The following PEG3 variants were observed in gnomAD, a reference collection of about 807,000 sequenced individuals.
The protein encoded by PEG3 is paternally-expressed gene 3 protein.
A neutral mutation model predicts 35.5 loss-of-function variants in PEG3; 23 were observed. That is an observed-to-expected ratio of 0.65 (90% confidence interval 0.47 to 0.92). The LOEUF is 0.92. PEG3 is among the 40% of genes least tolerant of loss of function. The pLI, the probability that PEG3 is intolerant of heterozygous loss-of-function variation, is 0.00. For missense variants in PEG3, 1,960 were observed against 1,985.3 expected, an observed-to-expected ratio of 0.99 and a Z score of 0.24; for synonymous variants, 707 against 697.0, an observed-to-expected ratio of 1.01 and a Z score of -0.23.
At position 56,815,951 on chromosome 19, in the gene PEG3, T is replaced by C. The variant is rs1423959662; in HGVS notation, c.2491A>G (p.Ser831Gly). Residue 831 changes from serine to glycine, a missense_variant, in exon 10 of 10, where the codon AGT becomes GGT. By Grantham distance (56) the Ser-to-Gly change is moderately conservative. Coordinates refer to ENST00000326441, the MANE Select transcript of PEG3 (RefSeq NM_006210.3). Reference sequence around the variant, plus strand: ...ACTAAGCTATGGATAACAGACCTACTGTATTCCCTTCCTTCAGAGGTGTTC... The same window carrying C: ...ACTAAGCTATGGATAACAGACCTACCGTATTCCCTTCCTTCAGAGGTGTTC... ...GGNTSEGREY[S>G]RSVIHSLVAS... The C allele has an allele frequency of 3.3e-5, 53 of 1,595,762 alleles. No homozygotes were observed. The highest frequency in any genetic ancestry group is 8.7e-5 in the Admixed American group (5 of 57,762).
In PEG3 at chr19:56,812,312, C is replaced by G. The variant is rs1048694540; in HGVS notation, c.*1363G>C. ...ACTAAGATTAGATGAACACAACACTCAGAAATACTCTAGGAGAGCTGAAAA... is the reference window on the plus strand; with the variant it reads ...ACTAAGATTAGATGAACACAACACTGAGAAATACTCTAGGAGAGCTGAAAA... On this transcript the variant is annotated 3_prime_UTR_variant, in exon 10 of 10. Transcript: ENST00000326441. 1.0e-6 allele frequency: 1 copy of G among 982,078 alleles called. No homozygotes were observed. The highest frequency in any genetic ancestry group is 6.2e-5 in the Admixed American group (1 of 16,224). 60.8% of individuals were successfully genotyped at this position (982,078 alleles called of 1,614,324 possible). A position where few individuals can be genotyped will look rare whatever the true frequency, so the allele number is the denominator to read the frequency against.
rs781110689 is a variant in PEG3, at chr19:56,816,520, G to T, written c.1922C>A (p.Ser641Tyr). 1.2e-6 allele frequency: 2 copies of T among 1,613,458 alleles called. No homozygotes were observed. Among genetic ancestry groups the T allele is most frequent in the Admixed American group, 1.7e-5 (1 of 59,966 alleles). The change falls in exon 10 of 10, where the codon TCC (serine) becomes TAC (tyrosine). Residue 641 changes from serine (S) to tyrosine (Y), a missense_variant. Physicochemically the swap from Ser to Tyr is moderately radical, Grantham distance 144. Transcript: ENST00000326441. ...VCGETFLHSSSLKEHQKIHTR... is the reference protein window; with the variant it reads ...VCGETFLHSSYLKEHQKIHTR... ...ATGGATTTTCTGATGTTCTTTCAGG[G>T]ATGAGCTATGAAGGAAAGTCTCCCC...
intron 2 of PEG3, among the ~76,000 whole-genome samples, chr19:56,834,752 T>C (rs144477853): frequency 5.9e-5 from 9 of 152,288 alleles, no homozygotes; most frequent in Non-Finnish European, 7.4e-5. Flanking sequence ...CACCTGGTCA[T>C]GTCAGCTTCT....
chr19:56,815,616 A>G lies in PEG3; in HGVS notation c.2826T>C (p.Ile942=), dbSNP rs1190777703. 7 of 1,614,052 alleles carry G rather than the reference A, an allele frequency of 4.3e-6. No homozygotes were observed. Among genetic ancestry groups the G allele is most frequent in the Non-Finnish European group, 5.9e-6 (7 of 1,180,028 alleles). The change falls in exon 10 of 10, where the codon ATT becomes ATC. Residue 942 remains isoleucine (I), a synonymous_variant. Coordinates refer to ENST00000326441, the MANE Select transcript of PEG3 (RefSeq NM_006210.3). ...CAGAGGTCTCATTGCTCCTATGCTC[A>G]ATGTATTTCTTTTTAGCACGAGCCT... ...YQKARAKKKY[I]EHRSNETSVI...
At chr19:56,827,113 T>C (rs1026065516) in intron 2 of PEG3, among the ~76,000 whole-genome samples, 2 of 152,164 alleles carry the variant, frequency 1.3e-5, no homozygotes, top group Non-Finnish European at 2.9e-5. Flanking sequence ...CAAGTAAACT[T>C]TCTGTGAATA....
In PEG3 at chr19:56,814,315, G is replaced by C. The variant is rs1175004490; in HGVS notation, c.4127C>G (p.Ala1376Gly). The change falls in exon 10 of 10, where the codon GCC (alanine) becomes GGC (glycine). Residue 1376 changes from alanine (A) to glycine (G), a missense_variant. By Grantham distance (60) the Ala-to-Gly change is moderately conservative. Coordinates refer to ENST00000326441, the MANE Select transcript of PEG3 (RefSeq NM_006210.3). This position sits in a 1 kb window ranked among gnomAD's most constrained non-coding sequence, Gnocchi z 5.8. ...AACTACTTGTGGAACATGGACATTG[G>C]CTTCAACTTCCTGGGCTGCTGCTGC... ...AAAAAAQEVEANVHVPQVVLR... is the reference protein window; with the variant it reads ...AAAAAAQEVEGNVHVPQVVLR... 1 of 1,613,962 alleles carries C rather than the reference G, an allele frequency of 6.2e-7. No individual in the cohort carries two copies. The highest frequency in any genetic ancestry group is 1.3e-5 in the African/African-American group (1 of 74,934).
At chr19:56,837,449 A>G (rs2062281190) in intron 1 of PEG3, among the ~76,000 whole-genome samples, 1 of 152,160 alleles carries the variant, frequency 6.6e-6, no homozygotes, top group African/African-American at 2.4e-5. Context: ...CTCACTTAAA[A>G]TCCCACCTTT....
chr19:56,821,588 G>A, intron 7 of PEG3, 63 bp downstream of exon 7: 1 of 1,593,270 alleles, frequency 6.3e-7, no homozygotes, highest in Non-Finnish European at 8.6e-7. Context: ...TCTGGGGAAA[G>A]AAAGGCGTCT....
chr19:56,832,771 A>G (rs2061695717), intron 2 of PEG3, among the ~76,000 whole-genome samples: 1 of 152,114 alleles, frequency 6.6e-6, no homozygotes, highest in Non-Finnish European at 1.5e-5. Flanking sequence ...TTGATCTCCA[A>G]AGGATGTTTT....
At chr19:56,823,041 A>C (rs898381166) in intron 5 of PEG3, among the ~76,000 whole-genome samples, 1 of 152,194 alleles carries the variant, frequency 6.6e-6, no homozygotes. Context: ...GCTTTGCCCA[A>C]GTGGGGCTTG....
At chr19:56,822,465 A>G (rs1271684451) in intron 6 of PEG3, 2 of 349,134 alleles carry the variant, frequency 5.7e-6, no homozygotes, top group African/African-American at 4.2e-5. Context: ...CAATTTTTGC[A>G]GTGGCATAGT....
intron 7 of PEG3, among the ~76,000 whole-genome samples, chr19:56,819,037 G>A (rs777323116): frequency 1.6e-4 from 25 of 152,222 alleles, no homozygotes; most frequent in Non-Finnish European, 3.2e-4. Context: ...GGGTTTTGTA[G>A]AGGGACAGTT....
rs2059682696 is a variant in PEG3 at position 56,813,476 on chromosome 19, C to A, written c.*199G>T. ...TGGCTTTCCCACATGCAGACACTGACATCTGAAGGGGAAAGCTTAAGACTG... is the reference window on the plus strand; with the variant it reads ...TGGCTTTCCCACATGCAGACACTGAAATCTGAAGGGGAAAGCTTAAGACTG... On this transcript the variant is annotated 3_prime_UTR_variant, in exon 10 of 10. Transcript: ENST00000326441. 2 of 1,396,788 alleles carry A rather than the reference C, an allele frequency of 1.4e-6. No homozygotes were observed. Among genetic ancestry groups the A allele is most frequent in the Non-Finnish European group, 1.9e-6 (2 of 1,076,638 alleles). The allele number at this position is 1,396,788 out of a possible 1,614,324, so 86.5% of individuals were successfully genotyped here. A position where few individuals can be genotyped will look rare whatever the true frequency, so the allele number is the denominator to read the frequency against.
At position 56,817,441 on chromosome 19, in the gene PEG3, G is replaced by A; in HGVS notation, c.1001C>T (p.Ser334Leu). ...GGGGAATCTCTGTGACCGGTCGCTTGACTCCCTTGCTCTTCCCGATTTGGA... is the reference window on the plus strand; with the variant it reads ...GGGGAATCTCTGTGACCGGTCGCTTAACTCCCTTGCTCTTCCCGATTTGGA... ...RSSKSGRARE[S>L]SDRSQRFPRM... Residue 334 changes from serine (S) to leucine (L), a missense_variant, in exon 10 of 10, where the codon TCA (serine) becomes TTA (leucine). Coordinates refer to ENST00000326441, the MANE Select transcript of PEG3 (RefSeq NM_006210.3). 1 of 1,613,920 alleles carries A rather than the reference G, an allele frequency of 6.2e-7. No individual in the cohort carries two copies. The highest frequency in any genetic ancestry group is 8.5e-7 in the Non-Finnish European group (1 of 1,179,850).
rs766636344 is a variant in PEG3 at position 56,815,044 on chromosome 19, C to G, written c.3398G>C (p.Cys1133Ser). ...TDHQKVHSRK[C>S]LVDSREYTHS... ...TGTGTACTCCCGACTGTCAACCAGG[C>G]ACTTCCTGCTGTGGACTTTCTGATG... Residue 1133 changes from cysteine to serine, a missense_variant, in exon 10 of 10, where the codon TGC becomes TCC. Cys to Ser is a moderately radical substitution (Grantham distance 112). Around this residue, in one of 5 missense-constraint regions of PEG3, gnomAD observed 124 missense variants for 179.6 expected, o/e 0.69. Transcript: ENST00000326441. 6.2e-7 allele frequency: 1 copy of G among 1,614,174 alleles called. No homozygotes were observed. Among genetic ancestry groups the G allele is most frequent in the South Asian group, 1.1e-5 (1 of 91,074 alleles).
In PEG3 at chr19:56,824,689, A is replaced by G; in HGVS notation, c.-34T>C. ...GTAAAATTTTCACTGGAGGAACCAAACATGAGTCAACAGGAAAGACGCGGC... is the reference window on the plus strand; with the variant it reads ...GTAAAATTTTCACTGGAGGAACCAAGCATGAGTCAACAGGAAAGACGCGGC... On this transcript the variant is annotated 5_prime_UTR_variant, in exon 4 of 10. Transcript: ENST00000326441. 4 of 1,567,998 alleles carry G rather than the reference A, an allele frequency of 2.6e-6. No homozygotes were observed. Among genetic ancestry groups the G allele is most frequent in the Non-Finnish European group, 3.5e-6 (4 of 1,154,966 alleles).
Position 56,816,655 on chromosome 19 carries a change from TGTTCAC to T in PEG3, c.1781_1786del (p.Arg594_Glu595del). 1 of 1,612,368 alleles carries T rather than the reference TGTTCAC, an allele frequency of 6.2e-7. No homozygotes were observed. Among genetic ancestry groups the T allele is most frequent in the Non-Finnish European group, 8.5e-7 (1 of 1,178,476 alleles). On this transcript the variant is annotated inframe_deletion, in exon 10 of 10. Coordinates refer to ENST00000326441, the MANE Select transcript of PEG3 (RefSeq NM_006210.3). ...GCGCTCACGTTCACGTTCACGTTCA[TGTTCAC>T]GCTCATTATCTTTGTCATCCCCAAA...
intron 2 of PEG3, among the ~76,000 whole-genome samples, chr19:56,835,367 C>A (rs536248036): frequency 1.1e-4 from 16 of 152,200 alleles, no homozygotes; most frequent in Non-Finnish European, 2.2e-4. Flanking sequence ...TGCCACTCAA[C>A]GATTCCCTTG....
Position 56,817,141 on chromosome 19 carries a change from A to G in PEG3, c.1301T>C (p.Leu434Pro). 2 of 1,614,142 alleles carry G rather than the reference A, an allele frequency of 1.2e-6. No homozygotes were observed. The highest frequency in any genetic ancestry group is 1.3e-5 in the African/African-American group (1 of 75,036). Residue 434 changes from leucine (L) to proline (P), a missense_variant, in exon 10 of 10, where the codon CTC becomes CCC. Around this residue, in one of 5 missense-constraint regions of PEG3, gnomAD observed 613 missense variants for 577.1 expected, o/e 1.06. Transcript: ENST00000326441. Reference sequence around the variant, plus strand: ...TGACTCGGTAAAGGAGGGGGAGCTGAGGCTGCTCAGGCTGCTCACGCTCAT... The same window carrying G: ...TGACTCGGTAAAGGAGGGGGAGCTGGGGCTGCTCAGGCTGCTCACGCTCAT... ...KAMSVSSLSS[L>P]SSPSFTESQP...
Sources: allele counts gnomAD v4.1 joint callset (sites outside exome capture counted in the v4.1 genomes callset), GRCh38; gene constraint gnomAD v4.1.1; regional missense constraint gnomAD v4.1.1; non-coding constraint Gnocchi (gnomAD v3.1); transcripts MANE v1.5; gene names NCBI Gene and HGNC (gene_info 2026-07-23, HGNC 2026-07-21).